MCPH1: variants seen among roughly 807,000 people sequenced by gnomAD.
The protein encoded by MCPH1 is microcephalin 1.
Under a neutral mutation model 84.5 loss-of-function variants are expected in MCPH1, and 104 were observed. That is an observed-to-expected ratio of 1.23 (90% confidence interval 1.05 to 1.45). MCPH1 has a LOEUF of 1.45. MCPH1 is among the 40% of genes most tolerant of loss of function. The pLI is 0.00. For missense variants in MCPH1, 1,498 were observed against 1,005.7 expected (o/e 1.49, Z -6.62); for synonymous variants, 514 against 366.8 (o/e 1.40, Z -4.58).
Position 6,621,510 on chromosome 8 carries a change from C to A in MCPH1, c.2271C>A (p.Ala757=), listed in dbSNP as rs371576977. 1 of 1,614,142 alleles carries A rather than the reference C, an allele frequency of 6.2e-7. No individual in the cohort carries two copies. The highest frequency in any genetic ancestry group is 8.5e-7 in the Non-Finnish European group (1 of 1,180,030). ...SAGPYRGTLF[A]DQPAMFVSPA... is the part of the protein sequence containing the mutation. ...GGCCGTACCGCGGAACCCTCTTTGC[C>A]GACCAGCCAGCGATGTTTGTCTCGC... is the stretch of plus-strand genomic sequence containing the variant. Residue 757 remains alanine (A), a synonymous_variant, in exon 13 of 14, where the codon GCC becomes GCA. Transcript: ENST00000344683.
At chr8:6,535,082 C>T (rs908857370) in intron 12 of MCPH1, among the ~76,000 whole-genome samples, 2 of 152,168 alleles carry the variant, frequency 1.3e-5, no homozygotes, top group Non-Finnish European at 1.5e-5. Flanking sequence ...TAAGCCCATA[C>T]TCAGAAATAA....
intron 12 of MCPH1, chr8:6,519,800 T>A (rs556677528): frequency 4.4e-6 from 7 of 1,574,506 alleles, no homozygotes; most frequent in Non-Finnish European, 6.1e-6. Context: ...GCTCTCTGGT[T>A]CCTCACTCAC....
intron 12 of MCPH1, among the ~76,000 whole-genome samples, chr8:6,548,809 C>T (rs1823066127): frequency 6.6e-6 from 1 of 152,124 alleles, no homozygotes; most frequent in African/African-American, 2.4e-5. Context: ...TTTGAAAGAC[C>T]AGAGTGAGCA....
At chr8:6,514,798 G>A (rs1438845524) in intron 12 of MCPH1, 1 of 1,607,404 alleles carries the variant, frequency 6.2e-7, no homozygotes, top group Non-Finnish European at 8.5e-7. Context: ...GGAATGCAGG[G>A]TATAAGTGAC....
chr8:6,498,136 T>C (rs73520701), intron 11 of MCPH1, among the ~76,000 whole-genome samples: 4,007 of 152,324 alleles, frequency 0.026, 190 homozygotes, highest in African/African-American at 0.092. Flanking sequence ...AATATTAAAA[T>C]GTAAAAAACA....
intron 11 of MCPH1, among the ~76,000 whole-genome samples, chr8:6,482,010 T>C (rs1460235273): frequency 1.3e-5 from 2 of 152,210 alleles, no homozygotes; most frequent in African/African-American, 4.8e-5. Flanking sequence ...CTCCCTGGGA[T>C]GTGAATCGTC....
intron 12 of MCPH1, among the ~76,000 whole-genome samples, chr8:6,602,769 T>C (rs2129578377): frequency 6.6e-6 from 1 of 152,228 alleles, no homozygotes; most frequent in Non-Finnish European, 1.5e-5. Flanking sequence ...TTTACTCTTT[T>C]TAACTCTGCT....
chr8:6,491,722 G>A (rs1016299875), intron 11 of MCPH1, among the ~76,000 whole-genome samples: 2 of 151,804 alleles, frequency 1.3e-5, no homozygotes, highest in Non-Finnish European at 2.9e-5. Flanking sequence ...GAGAACATGC[G>A]GTGTTTGGTT....
intron 8 of MCPH1, among the ~76,000 whole-genome samples, chr8:6,448,268 A>G (rs532314242): frequency 6.6e-5 from 10 of 152,320 alleles, no homozygotes; most frequent in African/African-American, 2.4e-4. Flanking sequence ...GGAGCCTGTG[A>G]CTCTGTCAAA....
At chr8:6,412,362 G>T (rs960543844) in intron 2 of MCPH1, among the ~76,000 whole-genome samples, 1 of 152,200 alleles carries the variant, frequency 6.6e-6, no homozygotes, top group East Asian at 1.9e-4. Context: ...TAAGATCTTA[G>T]ATCTTTTAGA....
At chr8:6,619,786 A>G (rs949714783) in intron 12 of MCPH1, among the ~76,000 whole-genome samples, 1 of 151,880 alleles carries the variant, frequency 6.6e-6, no homozygotes, top group Non-Finnish European at 1.5e-5. Context: ...GGGTTTCACC[A>G]TGTTAGCCAG....
At position 6,621,678 on chromosome 8, in the gene MCPH1, G is replaced by T. The variant is rs748294629; in HGVS notation, c.2439G>T (p.Glu813Asp). ...KKKATVKYLS[E>D]KWVLDSITQH... is the part of the protein sequence containing the mutation. ...AAGCCACAGTCAAGTATCTGTCTGAGAAATGGGTCTTAGGTAAGAATCCAG... is the reference window on the plus strand; with the variant it reads ...AAGCCACAGTCAAGTATCTGTCTGATAAATGGGTCTTAGGTAAGAATCCAG... Residue 813 changes from glutamate (E) to aspartate (D), a missense_variant, in exon 13 of 14, where the codon GAG (glutamate) becomes GAT (aspartate). By Grantham distance (45) the Glu-to-Asp change is conservative. Coordinates refer to ENST00000344683, the MANE Select transcript of MCPH1 (RefSeq NM_024596.5). The T allele has an allele frequency of 6.2e-7, 1 of 1,614,098 alleles. No homozygotes were observed. The highest frequency in any genetic ancestry group is 1.3e-5 in the African/African-American group (1 of 74,942).
intron 12 of MCPH1, chr8:6,513,615 G>A: frequency 2.0e-6 from 3 of 1,470,014 alleles, no homozygotes; most frequent in South Asian, 2.6e-5. Context: ...TTACAGGCGT[G>A]AGCCACCGTG....
At chr8:6,611,126 ACACT>A (rs1410568059) in intron 12 of MCPH1, among the ~76,000 whole-genome samples, 4 of 138,734 alleles carry the variant, frequency 2.9e-5, no homozygotes, top group African/African-American at 9.3e-5. Context: ...TCTCACACAC[ACACT>A]CACACACACA....
At chr8:6,432,028 G>T (rs560998860) in intron 4 of MCPH1, among the ~76,000 whole-genome samples, 2 of 152,198 alleles carry the variant, frequency 1.3e-5, no homozygotes, top group Non-Finnish European at 2.9e-5. Flanking sequence ...ATCCACAGAG[G>T]ATCAGTTCCG....
intron 9 of MCPH1, among the ~76,000 whole-genome samples, chr8:6,476,785 A>G (rs1001883113): frequency 6.6e-6 from 1 of 152,216 alleles, no homozygotes; most frequent in Non-Finnish European, 1.5e-5. Flanking sequence ...ACAGTTGGTT[A>G]CATTTGAAGT....
intron 13 of MCPH1, chr8:6,627,370 C>T (rs1318176625): frequency 2.3e-6 from 2 of 865,760 alleles, no homozygotes; most frequent in Non-Finnish European, 2.8e-6. Flanking sequence ...AGCCCCTCTC[C>T]TCCAAGGACG....
At chr8:6,531,519 T>C (rs548246475) in intron 12 of MCPH1, among the ~76,000 whole-genome samples, 25 of 152,322 alleles carry the variant, frequency 1.6e-4, no homozygotes, top group Middle Eastern at 3.4e-3. Flanking sequence ...CTCGAACTCC[T>C]GACCTCAGGT....
In MCPH1 at chr8:6,619,777, G is replaced by C. The variant is rs185206099; in HGVS notation, c.2215-1677G>C. On this transcript the variant is annotated intron_variant, in intron 12 of 13. Transcript: ENST00000344683. ...TCTTTTGTATTTTTAGTAGAGACAGGGTTTCACCATGTTAGCCAGGATGAT... is the reference window on the plus strand; with the variant it reads ...TCTTTTGTATTTTTAGTAGAGACAGCGTTTCACCATGTTAGCCAGGATGAT... 2.0e-3 allele frequency among the ~76,000 whole-genome samples: 300 copies of C among 151,998 alleles called. 2 individuals carry two copies. Among genetic ancestry groups the C allele is most frequent in the Admixed American group, 5.3e-3 (81 of 15,260 alleles).
Sources: allele counts gnomAD v4.1 joint callset (sites outside exome capture counted in the v4.1 genomes callset), GRCh38; gene constraint gnomAD v4.1.1; transcripts MANE v1.5; gene names NCBI Gene and HGNC (gene_info 2026-07-23, HGNC 2026-07-21).